AP4E1: variants seen among roughly 807,000 people sequenced by gnomAD.
AP4E1 encodes the protein adaptor related protein complex 4 subunit epsilon 1, also known as AP-4 complex subunit epsilon-1.
AP4E1 carries 56 observed loss-of-function variants against 128.2 expected under a neutral mutation model. The observed-to-expected ratio is 0.44, with a 90% CI of 0.35 to 0.55. The LOEUF is 0.55. Among genes scored for constraint, AP4E1 ranks in the 20% least tolerant of loss-of-function variants. AP4E1 has a pLI of 0.00. For missense variants in AP4E1, 1,324 were observed against 1,307.7 expected (o/e 1.01, Z -0.19); for synonymous variants, 484 against 473.1 (o/e 1.02, Z -0.30).
At chr15:50,976,920 A>G (rs1208319996) in intron 15 of AP4E1, among the ~76,000 whole-genome samples, 3 of 152,230 alleles carry the variant, frequency 2.0e-5, no homozygotes, top group African/African-American at 4.8e-5. Context: ...ATTGGAAAGT[A>G]CATGTATTCT....
At chr15:50,922,750 T>A (rs988951821) in intron 3 of AP4E1, among the ~76,000 whole-genome samples, 2 of 151,824 alleles carry the variant, frequency 1.3e-5, no homozygotes, top group African/African-American at 2.4e-5. Flanking sequence ...TGTGATAGAT[T>A]GGACCTTGAG....
chr15:50,926,805 T>C (rs2063775127), intron 5 of AP4E1, among the ~76,000 whole-genome samples: 1 of 152,114 alleles, frequency 6.6e-6, no homozygotes, highest in South Asian at 2.1e-4. Flanking sequence ...TAGGCCAAGC[T>C]GGTCTCGAAC....
At chr15:50,942,332 A>G (rs1025929280) in intron 10 of AP4E1, among the ~76,000 whole-genome samples, 5 of 152,194 alleles carry the variant, frequency 3.3e-5, no homozygotes, top group South Asian at 4.1e-4. Context: ...GTGTGGGTTC[A>G]TTAATATAAT....
chr15:51,000,928 C>G, intron 19 of AP4E1, 98 bp from the exon 20 acceptor site: 1 of 1,013,618 alleles, frequency 9.9e-7, no homozygotes, highest in Non-Finnish European at 1.5e-6. Context: ...CCCAGATTTA[C>G]AATGATTATG....
intron 2 of AP4E1, among the ~76,000 whole-genome samples, chr15:50,912,519 A>G (rs7174066): frequency 0.023 from 3,508 of 152,310 alleles, 155 homozygotes; most frequent in African/African-American, 0.08. Flanking sequence ...ATTATTTAAG[A>G]CCTAGTTGTT....
chr15:50,977,422 A>G (rs868178836), intron 15 of AP4E1, among the ~76,000 whole-genome samples: 2 of 152,248 alleles, frequency 1.3e-5, no homozygotes, highest in Middle Eastern at 3.4e-3. Context: ...CACATTATAA[A>G]TGGGATTAAA....
At chr15:50,908,017 G>A (rs1038058701), upstream of AP4E1, among the ~76,000 whole-genome samples, 3 of 152,228 alleles carry the variant, frequency 2.0e-5, no homozygotes, top group African/African-American at 7.2e-5. Flanking sequence ...AGGGGAGTGG[G>A]CTCTAGAAGG....
In AP4E1 at chr15:51,001,144, C is replaced by G. The variant is rs1207382887; in HGVS notation, c.3214C>G (p.Leu1072Val). ...TGCACTTCCTTCTGCACTAAAGACT[C>G]TGCAACAGAAACTAAGACTCCATAT... ...QAALPSALKT[L>V]QQKLRLHIIE... is the part of the protein sequence containing the mutation. Residue 1072 changes from leucine to valine, a missense_variant, in exon 20 of 21, where the codon CTG becomes GTG. By Grantham distance (32) the Leu-to-Val change is conservative (BLOSUM62 1). Coordinates refer to ENST00000261842, the MANE Select transcript of AP4E1 (RefSeq NM_007347.5). The G allele has an allele frequency of 1.1e-5, 17 of 1,613,614 alleles. No individual in the cohort carries two copies. The South Asian group carries it at 1.9e-4, about 18-fold the overall frequency.
At chr15:50,913,482 C>T (rs548105455) in intron 2 of AP4E1, among the ~76,000 whole-genome samples, 1 of 152,222 alleles carries the variant, frequency 6.6e-6, no homozygotes, top group Non-Finnish European at 1.5e-5. Context: ...TTTTATAACA[C>T]TATGGCCATC....
intron 14 of AP4E1, among the ~76,000 whole-genome samples, chr15:50,964,877 A>G (rs548124109): frequency 6.6e-6 from 1 of 151,428 alleles, no homozygotes. Context: ...CAGATACCTC[A>G]TGGCTTGGTG....
At position 50,908,721 on chromosome 15, in the gene AP4E1, A is replaced by G; in HGVS notation, c.-58A>G. ...GCCGGGCCGGCAGCGGCGGCCGGGC[A>G]TGAAGCCGGGCGGCTACGGGATCGC... On this transcript the variant is annotated 5_prime_UTR_variant, in exon 1 of 21. It removes an upstream start codon present in the reference 5' UTR. Coordinates refer to ENST00000261842, the MANE Select transcript of AP4E1 (RefSeq NM_007347.5). 1 of 1,437,482 alleles carries G rather than the reference A, an allele frequency of 7.0e-7. No homozygotes were observed. Among genetic ancestry groups the G allele is most frequent in the Non-Finnish European group, 9.1e-7 (1 of 1,094,490 alleles). 89.0% of individuals were successfully genotyped at this position (1,437,482 alleles called of 1,614,324 possible).
chr15:50,941,615 T>C lies in AP4E1; in HGVS notation c.1066+51T>C, dbSNP rs2291107. ...AAATTACAGAGATAGCTTTTGAAAT[T>C]TGCTGTGTATTTGTTTCAATTCACT... On this transcript the variant is annotated intron_variant, in intron 9 of 20. Coordinates refer to ENST00000261842, the MANE Select transcript of AP4E1 (RefSeq NM_007347.5). 384,154 of 1,610,604 alleles carry C rather than the reference T, an allele frequency of 0.24. 48,587 individuals are homozygous for C. The highest frequency in any genetic ancestry group is 0.41 in the East Asian group (18,406 of 44,760).
chr15:50,923,876 G>T, intron 3 of AP4E1, 55 bp from the exon 4 acceptor site: 2 of 1,341,354 alleles, frequency 1.5e-6, no homozygotes, highest in Non-Finnish European at 2.1e-6. Context: ...TTAACTTCGT[G>T]TGAAAAGTCT....
At position 50,997,483 on chromosome 15, in the gene AP4E1, T is replaced by G; in HGVS notation, c.2504T>G (p.Leu835Trp). ...GAAGATGATTATTATTCGAATACTT[T>G]GCACGATACAGGAGACAAGGAATTA... is the stretch of plus-strand genomic sequence containing the variant. ...AYEDDYYSNTLHDTGDKELKK... is the reference protein window; with the variant it reads ...AYEDDYYSNTWHDTGDKELKK... Residue 835 changes from leucine (L) to tryptophan (W), a missense_variant, in exon 18 of 21, where the codon TTG (leucine) becomes TGG (tryptophan). Leu to Trp is a moderately conservative substitution (Grantham distance 61, BLOSUM62 -2). Transcript: ENST00000261842. The G allele has an allele frequency of 6.2e-7, 1 of 1,614,060 alleles. No homozygotes were observed. Among genetic ancestry groups the G allele is most frequent in the South Asian group, 1.1e-5 (1 of 91,072 alleles).
chr15:50,988,244 C>G (rs1389843023), intron 16 of AP4E1, among the ~76,000 whole-genome samples: 1 of 152,132 alleles, frequency 6.6e-6, no homozygotes, highest in Admixed American at 6.6e-5. Context: ...AGTGATCTAC[C>G]AAACAGCAGA....
chr15:50,943,294 A>G (rs1205620303), intron 10 of AP4E1, among the ~76,000 whole-genome samples: 2 of 152,240 alleles, frequency 1.3e-5, no homozygotes, highest in Non-Finnish European at 2.9e-5. Context: ...CAATGAGCTA[A>G]GAATAGGAGA....
At chr15:50,948,802 G>C (rs1240224604) in intron 11 of AP4E1, among the ~76,000 whole-genome samples, 2 of 151,696 alleles carry the variant, frequency 1.3e-5, no homozygotes, top group African/African-American at 2.4e-5. Context: ...GAGAAACCCT[G>C]TCTCTACTAA....
Position 50,925,127 on chromosome 15 carries a change from G to T in AP4E1, c.450G>T (p.Val150=), listed in dbSNP as rs770432473. Residue 150 remains valine (V), a synonymous_variant, in exon 5 of 21, where the codon GTG becomes GTT. Coordinates refer to ENST00000261842, the MANE Select transcript of AP4E1 (RefSeq NM_007347.5). The stretch of plus-strand genomic sequence containing the variant: ...TGCAGAGCACTAACCTAGTAGAAGT[G>T]TGTATGGCACTGACTGTTGTTAGCC... The part of the protein sequence containing the change: ...KDLQSTNLVE[V]CMALTVVSQI... 1.2e-6 allele frequency: 2 copies of T among 1,613,934 alleles called. No individual in the cohort carries two copies. Among genetic ancestry groups the T allele is most frequent in the African/African-American group, 2.7e-5 (2 of 74,936 alleles).
At chr15:50,976,922 A>G (rs540246234) in intron 15 of AP4E1, among the ~76,000 whole-genome samples, 4 of 152,330 alleles carry the variant, frequency 2.6e-5, no homozygotes, top group East Asian at 1.9e-4. Flanking sequence ...TGGAAAGTAC[A>G]TGTATTCTGT....
Sources: gnomAD v4.1 joint callset for allele counts (sites outside exome capture counted in the v4.1 genomes callset) on GRCh38, gnomAD v4.1.1 for gene constraint, MANE v1.5 for transcripts, NCBI Gene and HGNC (gene_info 2026-07-23, HGNC 2026-07-21) for gene names.